RBFOX1: variants seen among roughly 807,000 people sequenced by gnomAD.
RBFOX1 encodes RNA binding fox-1 homolog 1.
In RBFOX1, 8 loss-of-function variants were observed where a neutral mutation model predicts 57.7. The observed-to-expected ratio is 0.14, with a 90% CI of 0.08 to 0.25. The LOEUF (loss-of-function observed/expected upper bound fraction) is 0.25, where lower values mean the gene tolerates loss of function less well. Among genes scored for constraint, RBFOX1 ranks in the 10% least tolerant of loss-of-function variants. The pLI, the probability that RBFOX1 is intolerant of heterozygous loss-of-function variation, is 1.00. For synonymous variants in RBFOX1, 326 were observed against 222.4 expected, an observed-to-expected ratio of 1.47 and a Z score of -4.15; for missense variants, 611 against 548.5, an observed-to-expected ratio of 1.11 and a Z score of -1.14.
chr16:7,585,380 G>C (rs971803813), intron 6 of RBFOX1, among the ~76,000 whole-genome samples: 1 of 152,216 alleles, frequency 6.6e-6, no homozygotes, highest in Non-Finnish European at 1.5e-5. Flanking sequence ...TAAGTCCACA[G>C]ATTGCAGGAT....
intron 13 of RBFOX1, chr16:7,671,634 T>C: frequency 6.3e-7 from 1 of 1,582,316 alleles, no homozygotes; most frequent in East Asian, 2.2e-5. Flanking sequence ...AACTCATCAC[T>C]ATGATTGTGG....
At chr16:6,978,561 G>T (rs2087752040) in intron 3 of RBFOX1, among the ~76,000 whole-genome samples, 1 of 150,938 alleles carries the variant, frequency 6.6e-6, no homozygotes, top group African/African-American at 2.4e-5. Flanking sequence ...CAGTCATAGA[G>T]CCCCTTTCTC....
At chr16:6,340,537 AT>A (rs1406708627) in intron 2 of RBFOX1, among the ~76,000 whole-genome samples, 4 of 152,298 alleles carry the variant, frequency 2.6e-5, no homozygotes, top group African/African-American at 9.6e-5. Flanking sequence ...GGGGAGGATT[AT>A]TTATGCCTTC....
At chr16:7,690,529 T>A (rs1033933168) in intron 14 of RBFOX1, among the ~76,000 whole-genome samples, 5 of 152,100 alleles carry the variant, frequency 3.3e-5, no homozygotes, top group East Asian at 1.9e-4. Flanking sequence ...CAGGTGCATT[T>A]TGAAGTTTAA....
chr16:5,437,702 CA>C (rs1211496850), intron 1 of RBFOX1, among the ~76,000 whole-genome samples: 1 of 152,106 alleles, frequency 6.6e-6, no homozygotes, highest in East Asian at 1.9e-4. Context: ...TTTATGCCTA[CA>C]AAAAAATATC....
At chr16:7,235,577 G>C (rs1226133961) in intron 4 of RBFOX1, among the ~76,000 whole-genome samples, 1 of 152,202 alleles carries the variant, frequency 6.6e-6, no homozygotes, top group Non-Finnish European at 1.5e-5. Context: ...TGGAAAGGCA[G>C]TGGCTGCGTT....
chr16:5,928,744 C>T (rs1199963264), intron 4 of RBFOX1, among the ~76,000 whole-genome samples: 1 of 151,786 alleles, frequency 6.6e-6, no homozygotes, highest in East Asian at 1.9e-4. Context: ...TTCTTGGCTG[C>T]CTCAATCCTG....
intron 4 of RBFOX1, among the ~76,000 whole-genome samples, chr16:7,315,213 CAG>C (rs2096409683): frequency 6.6e-6 from 1 of 151,594 alleles, no homozygotes; most frequent in Non-Finnish European, 1.5e-5. Context: ...CAACAGAAGA[CAG>C]AGTAGGAGTT....
chr16:6,135,648 A>G (rs977542896), intron 1 of RBFOX1, among the ~76,000 whole-genome samples: 12 of 152,184 alleles, frequency 7.9e-5, no homozygotes, highest in African/African-American at 2.9e-4. Flanking sequence ...ATGTCTGAAA[A>G]AAAACCATGA....
At chr16:6,459,934 A>G (rs926027657) in intron 2 of RBFOX1, among the ~76,000 whole-genome samples, 3 of 126,092 alleles carry the variant, frequency 2.4e-5, no homozygotes. Context: ...TGGTGAGCTG[A>G]GATAGTGCCA....
At chr16:5,772,068 A>C (rs982769043) in intron 3 of RBFOX1, among the ~76,000 whole-genome samples, 3 of 152,118 alleles carry the variant, frequency 2.0e-5, no homozygotes. Flanking sequence ...GCTATTCAGG[A>C]GGCTGAGTCA....
intron 4 of RBFOX1, among the ~76,000 whole-genome samples, chr16:5,945,998 C>A (rs181970139): frequency 1.3e-5 from 2 of 152,324 alleles, no homozygotes; most frequent in Admixed American, 1.3e-4. Context: ...AACATCCACA[C>A]CGGCGTCCAC....
At chr16:6,025,128 T>C (rs949665166) in intron 1 of RBFOX1, among the ~76,000 whole-genome samples, 10 of 152,228 alleles carry the variant, frequency 6.6e-5, no homozygotes, top group African/African-American at 2.4e-4. Flanking sequence ...TTAAACATTA[T>C]GGGAAAATTG....
chr16:6,761,259 G>C (rs535240376), intron 3 of RBFOX1, among the ~76,000 whole-genome samples: 4 of 152,142 alleles, frequency 2.6e-5, no homozygotes, highest in African/African-American at 9.6e-5. Flanking sequence ...AATTTAATCC[G>C]TCCGAAGGGC....
intron 2 of RBFOX1, among the ~76,000 whole-genome samples, chr16:5,594,637 T>C (rs890080934): frequency 2.6e-5 from 4 of 152,042 alleles, no homozygotes; most frequent in African/African-American, 9.7e-5. Context: ...TTTCATTCTT[T>C]TGAGTTTCTG....
chr16:7,218,321 C>T (rs569827806), intron 4 of RBFOX1, among the ~76,000 whole-genome samples: 1 of 152,250 alleles, frequency 6.6e-6, no homozygotes, highest in South Asian at 2.1e-4. Context: ...TACTCTAAGC[C>T]ATCATCAGTA....
chr16:6,070,180 A>G (rs2152482685), intron 1 of RBFOX1, among the ~76,000 whole-genome samples: 1 of 152,316 alleles, frequency 6.6e-6, no homozygotes, highest in Non-Finnish European at 1.5e-5. Flanking sequence ...TTTCAGAAAC[A>G]AAGCTGTTGT....
At chr16:5,447,518 C>T (rs1478887518) in intron 1 of RBFOX1, among the ~76,000 whole-genome samples, 2 of 152,174 alleles carry the variant, frequency 1.3e-5, no homozygotes, top group Non-Finnish European at 2.9e-5. Context: ...CTGCCTCAGC[C>T]TCCCGAATAG....
chr16:6,636,783 A>ATTATATGTTATATATAATATATAAT (rs1567981457), intron 2 of RBFOX1, among the ~76,000 whole-genome samples: 6 of 36,634 alleles, frequency 1.6e-4, no homozygotes, highest in African/African-American at 5.3e-4. Context: ...TAATATATAT[A>ATTATATGTTATATATAATATATAAT]ATATATAATA....
Sources: gnomAD v4.1 joint callset for allele counts (sites outside exome capture counted in the v4.1 genomes callset) on GRCh38, gnomAD v4.1.1 for gene constraint, MANE v1.5 for transcripts, NCBI Gene and HGNC (gene_info 2026-07-23, HGNC 2026-07-21) for gene names.